Variants in ELL observed in about 807,000 individuals in gnomAD.
ELL encodes the protein elongation factor for RNA polymerase II.
In ELL, 18 loss-of-function variants were observed where a neutral mutation model predicts 64.0. The observed-to-expected ratio is 0.28, with a 90% CI of 0.19 to 0.42. The LOEUF (loss-of-function observed/expected upper bound fraction) is 0.42, where lower values mean the gene tolerates loss of function less well. ELL is among the 10% of genes least tolerant of loss of function. The probability of loss-of-function intolerance (pLI) is 1.00; values close to 1 mark genes in which losing one functional copy is unlikely to be tolerated. For missense variants in ELL, 797 were observed against 870.4 expected, an observed-to-expected ratio of 0.92 and a Z score of 1.06; for synonymous variants, 399 against 376.2, an observed-to-expected ratio of 1.06 and a Z score of -0.70.
At chr19:18,458,856 G>A (rs1373321748) in intron 5 of ELL, among the ~76,000 whole-genome samples, 1 of 151,786 alleles carries the variant, frequency 6.6e-6, no homozygotes, top group African/African-American at 2.4e-5. Context: ...TGAACCCCTG[G>A]GCTCAAGCGA....
At chr19:18,515,823 G>A (rs1281158118) in intron 1 of ELL, among the ~76,000 whole-genome samples, 1 of 152,232 alleles carries the variant, frequency 6.6e-6, no homozygotes, top group Admixed American at 6.5e-5. Context: ...GCACTCAAGA[G>A]GCAGTATGGG....
intron 1 of ELL, chr19:18,475,813 C>A (rs1450988768): frequency 6.6e-6 from 1 of 152,124 alleles, no homozygotes; most frequent in Non-Finnish European, 1.5e-5. Flanking sequence ...TCAAAACTCA[C>A]AAGATGGGAC....
intron 1 of ELL, chr19:18,475,801 G>A (rs1168798749): frequency 6.6e-6 from 1 of 151,902 alleles, no homozygotes; most frequent in East Asian, 1.9e-4. Flanking sequence ...GAGGGTAGAG[G>A]GTCAAAACTC....
intron 6 of ELL, among the ~76,000 whole-genome samples, 174 bp from the exon 7 acceptor site, chr19:18,451,822 C>T (rs1974544969): frequency 6.6e-6 from 1 of 152,182 alleles, no homozygotes; most frequent in Non-Finnish European, 1.5e-5. Context: ...ATCCTGCCCC[C>T]GACTTCACCC....
At chr19:18,446,097 A>C in intron 10 of ELL, 1 of 607,406 alleles carries the variant, frequency 1.6e-6, no homozygotes. Flanking sequence ...GGAGGCTGAC[A>C]AGCTGGGCTG....
intron 8 of ELL, 143 bp downstream of exon 8, chr19:18,450,334 G>A: frequency 7.3e-7 from 1 of 1,371,818 alleles, no homozygotes; most frequent in Non-Finnish European, 9.7e-7. Flanking sequence ...CAGGCACACA[G>A]GGCAAATCTG....
chr19:18,516,180 G>A (rs1976123521), intron 1 of ELL, among the ~76,000 whole-genome samples: 1 of 152,090 alleles, frequency 6.6e-6, no homozygotes, highest in South Asian at 2.1e-4. Context: ...CCGGTGCCAA[G>A]GGTGACATCC....
At chr19:18,481,413 G>A (rs1303770545) in intron 1 of ELL, among the ~76,000 whole-genome samples, 1 of 152,064 alleles carries the variant, frequency 6.6e-6, no homozygotes, top group Non-Finnish European at 1.5e-5. Context: ...GCAGGCTCAG[G>A]CACTCCCTGG....
At chr19:18,490,572 C>A (rs1306796305) in intron 1 of ELL, among the ~76,000 whole-genome samples, 1 of 152,188 alleles carries the variant, frequency 6.6e-6, no homozygotes, top group African/African-American at 2.4e-5. Context: ...GTAACATAGA[C>A]CCCTCCTCAC....
intron 5 of ELL, among the ~76,000 whole-genome samples, chr19:18,460,503 C>T (rs1016198360): frequency 1.3e-5 from 2 of 152,164 alleles, no homozygotes; most frequent in Non-Finnish European, 2.9e-5. Flanking sequence ...ATGACTCCAT[C>T]GAGCTCCCTT....
rs1440048928 is a variant in ELL, at chr19:18,468,004, AACACAACCCACAC to A, written c.184-2099_184-2087del. Among the ~76,000 whole-genome samples, 46 of 139,948 alleles carry A rather than the reference AACACAACCCACAC, an allele frequency of 3.3e-4. 1 individual carries two copies. The highest frequency in any genetic ancestry group is 1.9e-3 in the Admixed American group (27 of 14,054). The allele number at this position is 139,948 out of a possible 152,430, so 91.8% of individuals were successfully genotyped here. ...CCACACACAACCTCCCCCACACACA[AACACAACCCACAC>A]ACACAACCCACACATGCACAACCCC... On this transcript the variant is annotated intron_variant, in intron 2 of 11. Coordinates refer to ENST00000262809, the MANE Select transcript of ELL (RefSeq NM_006532.4).
chr19:18,482,794 T>TTGTTGCTGCTGC lies in ELL; in HGVS notation c.136-9913_136-9912insGCAGCAGCAACA, dbSNP rs139501319. 9.3e-3 allele frequency among the ~76,000 whole-genome samples: 1,394 copies of TTGTTGCTGCTGC among 150,154 alleles called. 9 individuals are homozygous for TTGTTGCTGCTGC. The highest frequency in any genetic ancestry group is 0.021 in the African/African-American group (832 of 40,172). Reference sequence around the variant, plus strand: ...GTTGTTGTTGTTGTTGTTGTTGTTGTTGCTGCTGTTGTTTTGAGACAGGGC... The same window carrying TTGTTGCTGCTGC: ...GTTGTTGTTGTTGTTGTTGTTGTTGTTGTTGCTGCTGCTGCTGCTGTTGTTTTGAGACAGGGC... On this transcript the variant is annotated intron_variant, in intron 1 of 11. Coordinates refer to ENST00000262809, the MANE Select transcript of ELL (RefSeq NM_006532.4).
intron 1 of ELL, among the ~76,000 whole-genome samples, chr19:18,478,741 A>C (rs1459091554): frequency 6.6e-6 from 1 of 152,228 alleles, no homozygotes; most frequent in East Asian, 1.9e-4. Flanking sequence ...ACTGGACTTC[A>C]GACCCTGACT....
chr19:18,502,684 C>T (rs1056242805), intron 1 of ELL, among the ~76,000 whole-genome samples: 4 of 152,148 alleles, frequency 2.6e-5, no homozygotes, highest in Admixed American at 1.3e-4. Flanking sequence ...CCAATGACAA[C>T]GGACACCAGA....
intron 1 of ELL, among the ~76,000 whole-genome samples, chr19:18,477,122 C>T (rs1975192644): frequency 1.3e-5 from 2 of 152,178 alleles, no homozygotes; most frequent in Admixed American, 6.5e-5. Flanking sequence ...TGGAATGCTC[C>T]AAGCCTAAAG....
intron 1 of ELL, among the ~76,000 whole-genome samples, chr19:18,510,416 C>T (rs1600504597): frequency 6.6e-6 from 1 of 152,174 alleles, no homozygotes; most frequent in Non-Finnish European, 1.5e-5. Context: ...GCCGGGCAAC[C>T]GCACACTGGC....
At chr19:18,492,384 C>T (rs1975551738) in intron 1 of ELL, among the ~76,000 whole-genome samples, 1 of 152,214 alleles carries the variant, frequency 6.6e-6, no homozygotes, top group Non-Finnish European at 1.5e-5. Context: ...AGGAACATAT[C>T]TGTTTTTCAT....
chr19:18,452,317 C>T (rs1400358845), intron 6 of ELL, among the ~76,000 whole-genome samples: 1 of 152,218 alleles, frequency 6.6e-6, no homozygotes, highest in Non-Finnish European at 1.5e-5. Flanking sequence ...AAGTCCAGGG[C>T]CGTGGCCATT....
chr19:18,458,508 C>T (rs534292032), intron 5 of ELL, among the ~76,000 whole-genome samples, 179 bp from the exon 6 acceptor site: 23 of 152,220 alleles, frequency 1.5e-4, no homozygotes, highest in African/African-American at 5.3e-4. Flanking sequence ...CCCCCAGTTC[C>T]CCCGCACACA....
Sources: allele counts gnomAD v4.1 joint callset (sites outside exome capture counted in the v4.1 genomes callset), GRCh38; gene constraint gnomAD v4.1.1; transcripts MANE v1.5; gene names NCBI Gene and HGNC (gene_info 2026-07-23, HGNC 2026-07-21).